RANBP3L: variants seen among roughly 807,000 people sequenced by gnomAD.
RANBP3L encodes RAN binding protein 3 like, also known as ran-binding protein 3-like.
RANBP3L carries 56 observed loss-of-function variants against 67.2 expected under a neutral mutation model. That is an observed-to-expected ratio of 0.83 (90% confidence interval 0.67 to 1.04). The LOEUF (loss-of-function observed/expected upper bound fraction) is 1.04, where lower values mean the gene tolerates loss of function less well. Among genes scored for constraint, RANBP3L ranks in the 50% least tolerant of loss-of-function variants. The pLI, the probability that RANBP3L is intolerant of heterozygous loss-of-function variation, is 0.00. For missense variants in RANBP3L, 496 were observed against 535.5 expected (o/e 0.93, Z 0.73); for synonymous variants, 164 against 181.4 (o/e 0.90, Z 0.77).
In RANBP3L at chr5:36,289,244, T is replaced by C. The variant is rs112412308; in HGVS notation, c.91+12082A>G. On this transcript the variant is annotated intron_variant, in intron 1 of 13. Coordinates refer to ENST00000296604, the MANE Select transcript of RANBP3L (RefSeq NM_145000.5). ...GACAATGTACTAATAGATCAATTTC[T>C]GGACTTTATATTCTGTTCCAATAAT... 5.7e-3 allele frequency among the ~76,000 whole-genome samples: 870 copies of C among 152,300 alleles called. 5 individuals carry two copies. Among genetic ancestry groups the C allele is most frequent in the Middle Eastern group, 0.024 (7 of 294 alleles).
intron 12 of RANBP3L, among the ~76,000 whole-genome samples, chr5:36,253,409 T>C (rs1748733530): frequency 6.6e-6 from 1 of 152,088 alleles, no homozygotes; most frequent in African/African-American, 2.4e-5. Flanking sequence ...AGGCTAGAGA[T>C]TTGATGGCAT....
intron 1 of RANBP3L, among the ~76,000 whole-genome samples, chr5:36,272,026 C>G (rs1388556234): frequency 6.6e-6 from 1 of 151,922 alleles, no homozygotes. Flanking sequence ...AGCTTGGGCT[C>G]TGAAGTTAGT....
chr5:36,248,124 A>G lies in RANBP3L; in HGVS notation c.*1530T>C, dbSNP rs189190722. ...TTAAAAAAGAGTATTTCTGTTGTCC[A>G]TTCTTTTTGTCCTTTCTTTCGTACT... On this transcript the variant is annotated 3_prime_UTR_variant, in exon 14 of 14. Transcript: ENST00000296604. Among the ~76,000 whole-genome samples, 142 of 152,260 alleles carry G rather than the reference A, an allele frequency of 9.3e-4. 2 individuals carry two copies. In the East Asian group the frequency reaches 0.023, roughly 24 times the overall value.
At position 36,253,846 on chromosome 5, in the gene RANBP3L, C is replaced by G. The variant is rs1748776020; in HGVS notation, c.1025-57G>C. The G allele has an allele frequency of 3.3e-6, 5 of 1,511,904 alleles. No homozygotes were observed. In the East Asian group the frequency reaches 9.3e-5, roughly 28 times the overall value. 93.7% of individuals were successfully genotyped at this position (1,511,904 alleles called of 1,614,324 possible). ...AGAACAGTTGACACGGAGGAATTTA[C>G]CATTTTCAAAAGCAAAATAAATCTT... On this transcript the variant is annotated intron_variant, in intron 11 of 13. Transcript: ENST00000296604.
intron 1 of RANBP3L, among the ~76,000 whole-genome samples, chr5:36,290,236 T>TTTCTTAGAGCC (rs1751628743): frequency 1.3e-5 from 2 of 149,786 alleles, no homozygotes; most frequent in South Asian, 2.1e-4. Context: ...TTTTTTTTTT[T>TTTCTTAGAGCC]TCTTAGAGCC....
chr5:36,262,581 A>G (rs1015854415), intron 6 of RANBP3L, among the ~76,000 whole-genome samples: 3 of 152,124 alleles, frequency 2.0e-5, no homozygotes, highest in Admixed American at 6.5e-5. Context: ...ATATAAATGT[A>G]AGAGTGAGGA....
At chr5:36,250,486 C>T (rs780451454) in intron 13 of RANBP3L, among the ~76,000 whole-genome samples, 1 of 151,930 alleles carries the variant, frequency 6.6e-6, no homozygotes, top group Non-Finnish European at 1.5e-5. Flanking sequence ...TCTTAAATTA[C>T]ATATGATTAA....
intron 1 of RANBP3L, among the ~76,000 whole-genome samples, chr5:36,276,778 AC>A (rs1561124586): frequency 6.6e-6 from 1 of 152,170 alleles, no homozygotes; most frequent in Non-Finnish European, 1.5e-5. Flanking sequence ...GAAAGGATCT[AC>A]TGAGTCAAAA....
At chr5:36,298,078 A>T (rs1304082626) in intron 1 of RANBP3L, among the ~76,000 whole-genome samples, 1 of 151,946 alleles carries the variant, frequency 6.6e-6, no homozygotes, top group Non-Finnish European at 1.5e-5. Context: ...AGGTGGGAAG[A>T]TCATGAGGTC....
chr5:36,256,808 C>T, intron 10 of RANBP3L, 133 bp downstream of exon 10: 1 of 765,018 alleles, frequency 1.3e-6, no homozygotes, highest in East Asian at 2.8e-5. Context: ...GAGCATCCAA[C>T]ATTTTTATTT....
intron 1 of RANBP3L, among the ~76,000 whole-genome samples, chr5:36,289,388 T>A (rs1044640546): frequency 2.4e-4 from 37 of 152,306 alleles, no homozygotes; most frequent in African/African-American, 8.2e-4. Context: ...AGGTCCTTAA[T>A]ATTTCCTTAT....
At chr5:36,259,237 G>A (rs184306525) in intron 8 of RANBP3L, among the ~76,000 whole-genome samples, 2 of 151,754 alleles carry the variant, frequency 1.3e-5, no homozygotes, top group African/African-American at 4.8e-5. Flanking sequence ...TGACAGAAGG[G>A]TTCCTAAATA....
intron 12 of RANBP3L, among the ~76,000 whole-genome samples, chr5:36,252,321 A>C (rs1403592758): frequency 6.6e-6 from 1 of 152,114 alleles, no homozygotes; most frequent in Non-Finnish European, 1.5e-5. Flanking sequence ...ATAGAATAGA[A>C]TTATTTCACC....
At chr5:36,295,493 G>T (rs1314811371) in intron 1 of RANBP3L, among the ~76,000 whole-genome samples, 1 of 152,126 alleles carries the variant, frequency 6.6e-6, no homozygotes, top group Admixed American at 6.6e-5. Context: ...GTGGAACTGT[G>T]TGTCAATTAA....
chr5:36,260,215 G>GC (rs1188338493), intron 8 of RANBP3L, among the ~76,000 whole-genome samples: 1 of 149,382 alleles, frequency 6.7e-6, no homozygotes, highest in African/African-American at 2.4e-5. Context: ...AAAAAAATTA[G>GC]CCAGGTGTGG....
At chr5:36,251,847 A>G (rs1748617164) in intron 12 of RANBP3L, among the ~76,000 whole-genome samples, 1 of 152,100 alleles carries the variant, frequency 6.6e-6, no homozygotes. Context: ...GAGAATAAAG[A>G]CTTCCATTTC....
chr5:36,273,268 A>G (rs971736180), intron 1 of RANBP3L, among the ~76,000 whole-genome samples: 1 of 152,204 alleles, frequency 6.6e-6, no homozygotes, highest in Non-Finnish European at 1.5e-5. Context: ...TACACAAATA[A>G]TATGTTGACC....
At chr5:36,300,631 C>T (rs1752547668) in intron 1 of RANBP3L, among the ~76,000 whole-genome samples, 1 of 152,160 alleles carries the variant, frequency 6.6e-6, no homozygotes, top group Admixed American at 6.6e-5. Context: ...GAGACCCAGC[C>T]TTTCCCACAA....
At chr5:36,256,903 T>G (rs761584015) in intron 10 of RANBP3L, 38 bp downstream of exon 10, 2 of 1,570,402 alleles carry the variant, frequency 1.3e-6, no homozygotes, top group African/African-American at 2.7e-5. Flanking sequence ...TCCAAGTATG[T>G]AAATGCTACC....
Sources: allele counts gnomAD v4.1 joint callset (sites outside exome capture counted in the v4.1 genomes callset), GRCh38; gene constraint gnomAD v4.1.1; transcripts MANE v1.5; gene names NCBI Gene and HGNC (gene_info 2026-07-23, HGNC 2026-07-21).